The following PROM1 variants were observed in gnomAD, a reference collection of about 807,000 sequenced individuals.
The protein encoded by PROM1 is prominin-1.
A neutral mutation model predicts 116.9 loss-of-function variants in PROM1; 105 were observed. The observed-to-expected ratio is 0.90, with a 90% confidence interval of 0.77 to 1.06. The LOEUF (loss-of-function observed/expected upper bound fraction) is 1.06. PROM1 is among the 50% of genes least tolerant of loss of function. PROM1 has a pLI of 0.00. For missense variants in PROM1, 1,122 were observed against 1,045.2 expected (o/e 1.07, Z -1.01); for synonymous variants, 393 against 387.0 (o/e 1.02, Z -0.18).
At chr4:16,025,569 T>C (rs1191335202) in intron 5 of PROM1, among the ~76,000 whole-genome samples, 4 of 152,230 alleles carry the variant, frequency 2.6e-5, no homozygotes, top group African/African-American at 9.6e-5. Flanking sequence ...CTCTCGTCAA[T>C]GGAACAATGT....
At chr4:15,999,723 C>T (rs1723271183) in intron 14 of PROM1, among the ~76,000 whole-genome samples, 1 of 152,008 alleles carries the variant, frequency 6.6e-6, no homozygotes, top group Non-Finnish European at 1.5e-5. Flanking sequence ...CTCCCTCGAC[C>T]AGTGAAATAA....
chr4:16,054,025 T>A (rs1323010265), intron 2 of PROM1, among the ~76,000 whole-genome samples: 4 of 152,090 alleles, frequency 2.6e-5, no homozygotes, highest in Non-Finnish European at 5.9e-5. Flanking sequence ...ACCTGGGAGG[T>A]GGAGGTTGCA....
chr4:16,041,769 A>AT (rs1735305259), intron 2 of PROM1, among the ~76,000 whole-genome samples: 4 of 40,138 alleles, frequency 1.0e-4, no homozygotes, highest in African/African-American at 3.3e-4. Context: ...TAAATAAATA[A>AT]ATAAATAAAT....
At chr4:16,020,565 G>T (rs1298711017) in intron 8 of PROM1, among the ~76,000 whole-genome samples, 2 of 152,004 alleles carry the variant, frequency 1.3e-5, no homozygotes, top group Non-Finnish European at 2.9e-5. Context: ...AAAAGAGCAG[G>T]CTAAAACACA....
At chr4:15,980,731 C>A (rs956636567) in intron 23 of PROM1, among the ~76,000 whole-genome samples, 194 bp from the exon 24 acceptor site, 1 of 150,028 alleles carries the variant, frequency 6.7e-6, no homozygotes, top group African/African-American at 2.5e-5. Context: ...TGTTAGGATT[C>A]ATTTCATCTT....
chr4:16,012,578 A>G (rs1281592613), intron 11 of PROM1, among the ~76,000 whole-genome samples: 3 of 152,040 alleles, frequency 2.0e-5, no homozygotes, highest in African/African-American at 7.2e-5. Context: ...TCCTTTAAAA[A>G]GTTTGATTTT....
chr4:16,016,655 A>G (rs1367395576), intron 9 of PROM1, among the ~76,000 whole-genome samples: 1 of 152,320 alleles, frequency 6.6e-6, no homozygotes, highest in African/African-American at 2.4e-5. Flanking sequence ...TATGGATTTG[A>G]AGTTCTCTAG....
chr4:16,001,870 T>C (rs1008901517), intron 13 of PROM1, among the ~76,000 whole-genome samples: 1 of 151,872 alleles, frequency 6.6e-6, no homozygotes, highest in African/African-American at 2.4e-5. Context: ...CCTGGTTAAG[T>C]ATTGAGTGAA....
Position 16,059,013 on chromosome 4 carries a change from G to C in PROM1, c.220+16674C>G, listed in dbSNP as rs1029602940. ...GGCTAAACTCCACTGAGTAATACCT[G>C]GACAGAACCTTTATATCAAATGTTC... On this transcript the variant is annotated intron_variant, in intron 2 of 27. Coordinates refer to ENST00000447510, the MANE Select transcript of PROM1 (RefSeq NM_006017.3). Among the ~76,000 whole-genome samples the C allele has an allele frequency of 4.6e-5, 7 of 152,156 alleles. No homozygotes were observed. The South Asian group carries it at 1.5e-3, about 32-fold the overall frequency.
At chr4:16,030,996 T>G (rs1732576145) in intron 5 of PROM1, among the ~76,000 whole-genome samples, 1 of 152,012 alleles carries the variant, frequency 6.6e-6, no homozygotes, top group African/African-American at 2.4e-5. Flanking sequence ...GAGTGAGCTG[T>G]GATAGCGCCA....
chr4:16,007,205 T>C (rs914299223), intron 12 of PROM1, among the ~76,000 whole-genome samples: 7 of 152,238 alleles, frequency 4.6e-5, no homozygotes, highest in Middle Eastern at 3.2e-3. Context: ...GGCCACTGTG[T>C]TCTTTACTGA....
chr4:15,970,360 A>G (rs1714154945), intron 27 of PROM1, among the ~76,000 whole-genome samples: 1 of 151,618 alleles, frequency 6.6e-6, no homozygotes, highest in Non-Finnish European at 1.5e-5. Context: ...TTTAGTAGAG[A>G]CAGGGTTTCA....
chr4:15,995,331 C>T lies in PROM1; in HGVS notation c.1683-1260G>A, dbSNP rs373818524. Among the ~76,000 whole-genome samples, 436 of 72,250 alleles carry T rather than the reference C, an allele frequency of 6.0e-3. 6 individuals are homozygous for T. The highest frequency in any genetic ancestry group is 1.6e-3 in the Non-Finnish European group (49 of 31,348). The allele number at this position is 72,250 out of a possible 152,430, so 47.4% of individuals were successfully genotyped here. On this transcript the variant is annotated intron_variant, in intron 15 of 27. Coordinates refer to ENST00000447510, the MANE Select transcript of PROM1 (RefSeq NM_006017.3). ...GAGAGAGAGAAAAAGAAGAAGAAGACGAAGAAGACGAAGAAGAAGAAGGAG... is the reference window on the plus strand; with the variant it reads ...GAGAGAGAGAAAAAGAAGAAGAAGATGAAGAAGACGAAGAAGAAGAAGGAG...
intron 15 of PROM1, among the ~76,000 whole-genome samples, chr4:15,996,908 A>G (rs1022720197): frequency 7.2e-5 from 11 of 152,132 alleles, no homozygotes; most frequent in Admixed American, 7.2e-4. Context: ...TCTCAATGTG[A>G]GTCACTATCG....
chr4:16,010,264 C>G (rs573176509), intron 11 of PROM1, among the ~76,000 whole-genome samples: 44 of 152,228 alleles, frequency 2.9e-4, no homozygotes, highest in African/African-American at 9.9e-4. Flanking sequence ...TTCACCTGAA[C>G]CAACGCTCAC....
At chr4:16,002,513 G>A (rs1163988450) in intron 13 of PROM1, among the ~76,000 whole-genome samples, 2 of 152,152 alleles carry the variant, frequency 1.3e-5, no homozygotes, top group South Asian at 2.1e-4. Flanking sequence ...CTAAGGGCAC[G>A]ATTCTCCCCT....
chr4:15,976,866 A>T (rs1560379070), intron 26 of PROM1, among the ~76,000 whole-genome samples: 1 of 152,156 alleles, frequency 6.6e-6, no homozygotes, highest in East Asian at 1.9e-4. Context: ...TGGTCAGCAG[A>T]GAGCCTCCAG....
intron 2 of PROM1, among the ~76,000 whole-genome samples, chr4:16,060,575 A>ATG (rs370020811): frequency 1.3e-5 from 2 of 151,684 alleles, no homozygotes; most frequent in Non-Finnish European, 2.9e-5. Flanking sequence ...AAAAAAAAAT[A>ATG]TGTGTGTGTG....
intron 2 of PROM1, among the ~76,000 whole-genome samples, chr4:16,045,958 A>G (rs1736458674): frequency 6.6e-6 from 1 of 152,216 alleles, no homozygotes; most frequent in African/African-American, 2.4e-5. Flanking sequence ...TCTACAAAAC[A>G]CATGTTCATA....
Sources: allele counts gnomAD v4.1 joint callset (sites outside exome capture counted in the v4.1 genomes callset), GRCh38; gene constraint gnomAD v4.1.1; transcripts MANE v1.5; gene names NCBI Gene and HGNC (gene_info 2026-07-23, HGNC 2026-07-21).